Variants in KHDRBS2 observed in about 807,000 individuals in gnomAD.
KHDRBS2 encodes the protein KH RNA binding domain containing, signal transduction associated 2.
KHDRBS2 carries 26 observed loss-of-function variants against 44.3 expected under a neutral mutation model. The ratio of observed to expected loss-of-function variants is 0.59; its 90% CI spans 0.43 to 0.81. The LOEUF (loss-of-function observed/expected upper bound fraction) is 0.81. KHDRBS2 is among the 40% of genes least tolerant of loss of function. The pLI is 0.00. For synonymous variants in KHDRBS2, 194 were observed against 151.1 expected, an observed-to-expected ratio of 1.28 and a Z score of -2.08; for missense variants, 476 against 433.1, an observed-to-expected ratio of 1.10 and a Z score of -0.88.
At chr6:61,930,226 C>T (rs1008314938) in intron 4 of KHDRBS2, among the ~76,000 whole-genome samples, 3 of 152,176 alleles carry the variant, frequency 2.0e-5, no homozygotes, top group African/African-American at 7.2e-5. Flanking sequence ...ATTAAACTCC[C>T]CAGGCTCCAG....
intron 2 of KHDRBS2, among the ~76,000 whole-genome samples, chr6:62,052,480 T>G (rs1272575088): frequency 6.6e-6 from 1 of 151,188 alleles, no homozygotes; most frequent in African/African-American, 2.4e-5. Flanking sequence ...GAAACGTAAG[T>G]CAGAGGATAA....
At chr6:62,104,745 A>G (rs1274350006) in intron 2 of KHDRBS2, among the ~76,000 whole-genome samples, 1 of 152,158 alleles carries the variant, frequency 6.6e-6, no homozygotes, top group Non-Finnish European at 1.5e-5. Flanking sequence ...TTGAAAAAAA[A>G]GAACAAATTA....
chr6:61,912,615 C>T (rs1265451760), intron 4 of KHDRBS2, among the ~76,000 whole-genome samples: 1 of 152,092 alleles, frequency 6.6e-6, no homozygotes, highest in Non-Finnish European at 1.5e-5. Context: ...ACTAGGTTCT[C>T]CTCTGAAGGG....
chr6:61,619,826 C>T, the KHDRBS2 span, among the ~76,000 whole-genome samples: 2 of 152,024 alleles, frequency 1.3e-5, no homozygotes, highest in Non-Finnish European at 2.9e-5. Context: ...CTCAGTTGAT[C>T]GGTACTTAGA....
chr6:62,052,053 T>C (rs1350711053), intron 2 of KHDRBS2, among the ~76,000 whole-genome samples: 1 of 151,890 alleles, frequency 6.6e-6, no homozygotes, highest in Non-Finnish European at 1.5e-5. Context: ...TAGATTGGTA[T>C]ACCCAGTACA....
chr6:61,717,372 T>A (rs879207628), intron 7 of KHDRBS2, among the ~76,000 whole-genome samples: 1 of 152,020 alleles, frequency 6.6e-6, no homozygotes, highest in Admixed American at 6.6e-5. Flanking sequence ...AAAACAGTGT[T>A]TATTGAGAGC....
the KHDRBS2 span, among the ~76,000 whole-genome samples, chr6:61,569,102 G>T: frequency 2.6e-5 from 4 of 152,158 alleles, no homozygotes; most frequent in African/African-American, 4.8e-5. Context: ...CAACTGCATG[G>T]GAGCTGGGTG....
At chr6:61,948,534 T>A (rs1764060274) in intron 4 of KHDRBS2, among the ~76,000 whole-genome samples, 2 of 151,912 alleles carry the variant, frequency 1.3e-5, no homozygotes, top group African/African-American at 2.4e-5. Flanking sequence ...CTGAGCAAGT[T>A]ACCTAAATTC....
chr6:61,797,036 G>A (rs534101925), intron 6 of KHDRBS2, among the ~76,000 whole-genome samples: 1 of 152,170 alleles, frequency 6.6e-6, no homozygotes, highest in South Asian at 2.1e-4. Context: ...AAACGAAGTA[G>A]TCTGGTCTTT....
intron 4 of KHDRBS2, among the ~76,000 whole-genome samples, chr6:61,971,018 A>G (rs1583874015): frequency 6.6e-6 from 1 of 152,264 alleles, no homozygotes; most frequent in South Asian, 2.1e-4. Context: ...AAGAAGGAGT[A>G]GAAAACTATG....
At chr6:62,121,911 T>C (rs1807740500) in intron 2 of KHDRBS2, among the ~76,000 whole-genome samples, 1 of 152,208 alleles carries the variant, frequency 6.6e-6, no homozygotes, top group African/African-American at 2.4e-5. Context: ...CCTGTCAAGA[T>C]ATGCCTTCTA....
At chr6:62,043,799 A>G (rs1223713362) in intron 3 of KHDRBS2, among the ~76,000 whole-genome samples, 2 of 152,192 alleles carry the variant, frequency 1.3e-5, no homozygotes, top group South Asian at 2.1e-4. Context: ...TTAACTTTAT[A>G]ATGATCTGGA....
chr6:61,842,518 G>A (rs1202514918), intron 6 of KHDRBS2, among the ~76,000 whole-genome samples: 1 of 152,136 alleles, frequency 6.6e-6, no homozygotes, highest in Non-Finnish European at 1.5e-5. Context: ...AAGCTGAAAA[G>A]GCCACAGTGT....
At chr6:61,963,605 C>G (rs1769246909) in intron 4 of KHDRBS2, among the ~76,000 whole-genome samples, 1 of 152,056 alleles carries the variant, frequency 6.6e-6, no homozygotes. Flanking sequence ...CCCTCTCACT[C>G]TTTCTTTTCC....
At chr6:61,827,709 T>C (rs948283638) in intron 6 of KHDRBS2, among the ~76,000 whole-genome samples, 6 of 152,130 alleles carry the variant, frequency 3.9e-5, no homozygotes, top group Non-Finnish European at 8.8e-5. Context: ...CCGACTCTGG[T>C]GAGGACTCTC....
the KHDRBS2 span, among the ~76,000 whole-genome samples, chr6:61,638,572 A>C: frequency 1.3e-5 from 2 of 152,130 alleles, no homozygotes; most frequent in Admixed American, 6.6e-5. Flanking sequence ...AAACCTAGGC[A>C]TTACCATTCA....
the KHDRBS2 span, among the ~76,000 whole-genome samples, chr6:61,665,682 TC>T: frequency 3.3e-5 from 5 of 151,172 alleles, no homozygotes; most frequent in African/African-American, 1.2e-4. Flanking sequence ...AATCTGAATA[TC>T]TTTTGAAGGA....
chr6:62,218,887 G>T (rs1011616025), intron 1 of KHDRBS2, among the ~76,000 whole-genome samples: 3 of 151,840 alleles, frequency 2.0e-5, no homozygotes, highest in African/African-American at 7.2e-5. Context: ...GGAATTGGAT[G>T]CCATTATCTT....
At chr6:61,894,984 A>G in intron 5 of KHDRBS2, 151 bp from the exon 6 acceptor site, 1 of 588,352 alleles carries the variant, frequency 1.7e-6, no homozygotes, top group Non-Finnish European at 3.0e-6. Flanking sequence ...TATGCATTTA[A>G]TAGAAATTAT....
Sources: gnomAD v4.1 joint callset for allele counts (sites outside exome capture counted in the v4.1 genomes callset) on GRCh38, gnomAD v4.1.1 for gene constraint, MANE v1.5 for transcripts, NCBI Gene and HGNC (gene_info 2026-07-23, HGNC 2026-07-21) for gene names.